LRMDA: variants seen among roughly 807,000 people sequenced by gnomAD.
LRMDA encodes the protein leucine-rich melanocyte differentiation-associated protein.
A neutral mutation model predicts 29.8 loss-of-function variants in LRMDA; 18 were observed. That is an observed-to-expected ratio of 0.60 (90% CI 0.42 to 0.90). The LOEUF (loss-of-function observed/expected upper bound fraction) is 0.90, where lower values mean the gene tolerates loss of function less well. Among genes scored for constraint, LRMDA ranks in the 40% least tolerant of loss-of-function variants. The pLI is 0.00. For synonymous variants in LRMDA, 125 were observed against 109.4 expected, an observed-to-expected ratio of 1.14 and a Z score of -0.89; for missense variants, 273 against 273.9, an observed-to-expected ratio of 1.00 and a Z score of 0.02.
intron 5 of LRMDA, among the ~76,000 whole-genome samples, chr10:76,212,167 AATACAGAATTAACATAGGATACAG>A (rs1265688301): frequency 6.6e-6 from 1 of 152,062 alleles, no homozygotes; most frequent in East Asian, 1.9e-4. Context: ...TACAATGGAG[AATACAGAATTAACATAGGATACAG>A]ATTTTGCACT....
At chr10:76,167,348 A>T (rs547881390) in intron 5 of LRMDA, among the ~76,000 whole-genome samples, 1 of 152,218 alleles carries the variant, frequency 6.6e-6, no homozygotes, top group African/African-American at 2.4e-5. Context: ...TTTTGTTGCA[A>T]TTGCTTTTGG....
intron 1 of LRMDA, among the ~76,000 whole-genome samples, chr10:75,432,324 A>T (rs1384126208): frequency 6.6e-6 from 1 of 152,222 alleles, no homozygotes; most frequent in East Asian, 1.9e-4. Context: ...CCAAAGGCTG[A>T]TGGAAGGCCA....
At chr10:75,935,291 T>A (rs1036007457) in intron 2 of LRMDA, among the ~76,000 whole-genome samples, 19 of 152,216 alleles carry the variant, frequency 1.2e-4, no homozygotes, top group Admixed American at 1.0e-3. Context: ...ATCCCCCGGA[T>A]GAACAATGAT....
At chr10:75,783,122 TG>T in intron 2 of LRMDA, 1 of 1,362,910 alleles carries the variant, frequency 7.3e-7, no homozygotes, top group Admixed American at 1.8e-5. Context: ...TAGGACTTGA[TG>T]AGCGAGATGA....
At chr10:75,527,464 A>G (rs1227462333) in intron 2 of LRMDA, among the ~76,000 whole-genome samples, 1 of 151,966 alleles carries the variant, frequency 6.6e-6, no homozygotes, top group Non-Finnish European at 1.5e-5. Flanking sequence ...GGAACTGCCA[A>G]ACTGTTTTCA....
At chr10:76,348,005 G>A (rs1841129542) in intron 6 of LRMDA, among the ~76,000 whole-genome samples, 1 of 152,100 alleles carries the variant, frequency 6.6e-6, no homozygotes, top group Non-Finnish European at 1.5e-5. Flanking sequence ...CGAGTACTAG[G>A]AGGTGTGGTA....
intron 5 of LRMDA, chr10:76,318,700 C>G (rs1840731070): frequency 6.6e-6 from 1 of 152,182 alleles, no homozygotes; most frequent in African/African-American, 2.4e-5. Flanking sequence ...GTCTATTATT[C>G]CCAACTTAAT....
chr10:76,254,432 A>T (rs955262039), intron 5 of LRMDA, among the ~76,000 whole-genome samples: 1 of 114,838 alleles, frequency 8.7e-6, no homozygotes, highest in Non-Finnish European at 1.9e-5. Context: ...TACTATACTG[A>T]AATGCTATAG....
intron 5 of LRMDA, among the ~76,000 whole-genome samples, chr10:76,291,101 T>C (rs1410986939): frequency 3.9e-5 from 6 of 152,230 alleles, no homozygotes; most frequent in Non-Finnish European, 8.8e-5. Flanking sequence ...GATTTATTTT[T>C]GCTCAAGGAG....
intron 2 of LRMDA, among the ~76,000 whole-genome samples, chr10:75,983,201 A>C (rs1430996066): frequency 6.6e-6 from 1 of 152,242 alleles, no homozygotes; most frequent in Non-Finnish European, 1.5e-5. Context: ...AGTTTTTACC[A>C]TGTGAAAGCA....
In LRMDA at chr10:76,177,575, T is replaced by C. The variant is rs149377860; in HGVS notation, c.516+118792T>C. On this transcript the variant is annotated intron_variant, in intron 5 of 6. Transcript: ENST00000611255. Reference sequence around the variant, plus strand: ...AAAATTAAATCTTCTTTATCAGTTGTAGTAAATAGATGCTCAACTCTTTGA... The same window carrying C: ...AAAATTAAATCTTCTTTATCAGTTGCAGTAAATAGATGCTCAACTCTTTGA... Among the ~76,000 whole-genome samples, 805 of 152,350 alleles carry C rather than the reference T, an allele frequency of 5.3e-3. 9 individuals are homozygous for C. The highest frequency in any genetic ancestry group is 0.018 in the African/African-American group (736 of 41,586).
chr10:76,421,644 AT>A (rs1261562990), intron 6 of LRMDA, among the ~76,000 whole-genome samples: 1 of 152,238 alleles, frequency 6.6e-6, no homozygotes, highest in East Asian at 1.9e-4. Context: ...TCGGCCTTGA[AT>A]TTTTATTTGA....
chr10:75,695,854 A>AC (rs1842227768), intron 2 of LRMDA, among the ~76,000 whole-genome samples: 1 of 151,912 alleles, frequency 6.6e-6, no homozygotes, highest in Admixed American at 6.6e-5. Context: ...GTTCTCATCC[A>AC]CCCACTATAC....
chr10:75,672,605 T>TC (rs1327457364), intron 2 of LRMDA, among the ~76,000 whole-genome samples: 7 of 98,434 alleles, frequency 7.1e-5, no homozygotes, highest in African/African-American at 3.1e-4. Flanking sequence ...TTTTTTTTTT[T>TC]AGACAGCGTC....
intron 5 of LRMDA, among the ~76,000 whole-genome samples, chr10:76,287,990 A>C (rs940641853): frequency 2.0e-5 from 3 of 151,702 alleles, no homozygotes; most frequent in Non-Finnish European, 4.4e-5. Context: ...TTTCCAGTTC[A>C]TTTATTTGAG....
chr10:75,931,934 G>A (rs533678158), intron 2 of LRMDA, among the ~76,000 whole-genome samples: 1 of 152,330 alleles, frequency 6.6e-6, no homozygotes, highest in Admixed American at 6.5e-5. Flanking sequence ...TCAAAGCTAT[G>A]TTAGGTCACG....
chr10:75,433,806 A>G (rs1844233530), intron 1 of LRMDA, among the ~76,000 whole-genome samples: 1 of 152,240 alleles, frequency 6.6e-6, no homozygotes, highest in Non-Finnish European at 1.5e-5. Context: ...AGAGACCTAT[A>G]AATCCCAAAT....
intron 2 of LRMDA, among the ~76,000 whole-genome samples, chr10:75,914,106 A>G (rs1414344591): frequency 2.0e-5 from 3 of 152,260 alleles, no homozygotes; most frequent in African/African-American, 7.2e-5. Flanking sequence ...GCCTGCGAAA[A>G]GCAACCATGG....
intron 5 of LRMDA, among the ~76,000 whole-genome samples, chr10:76,248,593 G>A (rs887228902): frequency 1.3e-5 from 2 of 152,166 alleles, no homozygotes; most frequent in South Asian, 2.1e-4. Context: ...AATACCGGAG[G>A]GAAGGACATG....
Sources: allele counts gnomAD v4.1 joint callset (sites outside exome capture counted in the v4.1 genomes callset), GRCh38; gene constraint gnomAD v4.1.1; transcripts MANE v1.5; gene names NCBI Gene and HGNC (gene_info 2026-07-23, HGNC 2026-07-21).